AP3S1: variants seen among roughly 807,000 people sequenced by gnomAD.
AP3S1 encodes the protein adaptor related protein complex 3 subunit sigma 1.
In AP3S1, 12 loss-of-function variants were observed where a neutral mutation model predicts 21.3. The observed-to-expected ratio is 0.56, with a 90% confidence interval of 0.36 to 0.91. The LOEUF is 0.91. Ranked by LOEUF, AP3S1 falls within the 40% of genes least tolerant of loss-of-function variation. The pLI is 0.01. For synonymous variants in AP3S1, 48 were observed against 78.4 expected, an observed-to-expected ratio of 0.61 and a Z score of 2.05; for missense variants, 116 against 225.0, an observed-to-expected ratio of 0.52 and a Z score of 3.10.
At chr5:115,851,378 T>C (rs1311508002) in intron 1 of AP3S1, among the ~76,000 whole-genome samples, 1 of 152,162 alleles carries the variant, frequency 6.6e-6, no homozygotes, top group Non-Finnish European at 1.5e-5. Flanking sequence ...TAATTTTATG[T>C]TTTGCTTTTT....
chr5:115,894,921 G>A (rs1429336874), intron 3 of AP3S1, among the ~76,000 whole-genome samples, 166 bp from the exon 4 acceptor site: 1 of 151,988 alleles, frequency 6.6e-6, no homozygotes, highest in Non-Finnish European at 1.5e-5. Context: ...AAACTTGGTA[G>A]GACTCTATTC....
intron 5 of AP3S1, among the ~76,000 whole-genome samples, chr5:115,910,696 CT>C (rs961320124): frequency 1.1e-4 from 16 of 150,714 alleles, no homozygotes; most frequent in South Asian, 2.1e-4. Flanking sequence ...GACATAAAGT[CT>C]TTTTTTTTAG....
chr5:115,851,009 A>G (rs1341039836), intron 1 of AP3S1, among the ~76,000 whole-genome samples: 1 of 152,194 alleles, frequency 6.6e-6, no homozygotes, highest in Non-Finnish European at 1.5e-5. Flanking sequence ...TGCAGGGAGT[A>G]GTTTATAGTG....
intron 1 of AP3S1, among the ~76,000 whole-genome samples, chr5:115,846,856 C>A (rs185307990): frequency 6.6e-6 from 1 of 152,062 alleles, no homozygotes; most frequent in Non-Finnish European, 1.5e-5. Flanking sequence ...AGTTATAATG[C>A]GTTTGTCTGC....
At chr5:115,876,025 G>A (rs1748683196) in intron 3 of AP3S1, among the ~76,000 whole-genome samples, 1 of 152,142 alleles carries the variant, frequency 6.6e-6, no homozygotes, top group Non-Finnish European at 1.5e-5. Flanking sequence ...TGTCTTAGCA[G>A]TTCTTTTAGG....
chr5:115,905,087 T>C (rs1031411616), intron 5 of AP3S1, among the ~76,000 whole-genome samples: 8 of 152,320 alleles, frequency 5.3e-5, no homozygotes, highest in African/African-American at 1.9e-4. Context: ...ATCCTACTGC[T>C]CAAGGTCATC....
intron 1 of AP3S1, among the ~76,000 whole-genome samples, chr5:115,845,657 A>C (rs1348481221): frequency 6.6e-6 from 1 of 151,912 alleles, no homozygotes; most frequent in Non-Finnish European, 1.5e-5. Context: ...AACATGGTGA[A>C]ACCCCATCTC....
At chr5:115,897,907 C>T (rs1750893808) in intron 4 of AP3S1, among the ~76,000 whole-genome samples, 1 of 152,128 alleles carries the variant, frequency 6.6e-6, no homozygotes, top group Non-Finnish European at 1.5e-5. Flanking sequence ...GGTTTGCACA[C>T]AACCCTCAGA....
chr5:115,904,438 C>T (rs1342882474), intron 5 of AP3S1, among the ~76,000 whole-genome samples: 1 of 152,156 alleles, frequency 6.6e-6, no homozygotes, highest in Non-Finnish European at 1.5e-5. Flanking sequence ...GCTTATAAAA[C>T]ATTTTCCAGT....
intron 3 of AP3S1, among the ~76,000 whole-genome samples, chr5:115,877,135 T>G (rs925446722): frequency 1.6e-4 from 24 of 152,280 alleles, no homozygotes; most frequent in African/African-American, 5.8e-4. Context: ...TTTTCTATCA[T>G]ACCTCAATAT....
At position 115,882,233 on chromosome 5, in the gene AP3S1, T is replaced by G. The variant is rs796834955; in HGVS notation, c.273+12105T>G. Among the ~76,000 whole-genome samples, 8 of 152,264 alleles carry G rather than the reference T, an allele frequency of 5.3e-5. No individual in the cohort carries two copies. The South Asian group carries it at 1.4e-3, about 28-fold the overall frequency. On this transcript the variant is annotated intron_variant, in intron 3 of 5. Coordinates refer to ENST00000316788, the MANE Select transcript of AP3S1 (RefSeq NM_001284.4). ...ATCAAACTCATTCACCTTCCAGTTT[T>G]GTTCCCTTGCTTTTGAGGAACTGTG...
chr5:115,842,451 A>C (rs116774100), intron 1 of AP3S1: 8,727 of 208,018 alleles, frequency 0.042, 809 homozygotes, highest in African/African-American at 0.19. Context: ...CCCTGCGCCC[A>C]GTCCCCAAGA....
intron 4 of AP3S1, among the ~76,000 whole-genome samples, chr5:115,896,392 TCTA>T (rs1750756273): frequency 6.6e-6 from 1 of 152,262 alleles, no homozygotes; most frequent in Admixed American, 6.5e-5. Context: ...TTTTTAATGT[TCTA>T]CTGTTTTTCT....
At chr5:115,881,423 G>T (rs1216641871) in intron 3 of AP3S1, among the ~76,000 whole-genome samples, 1 of 152,142 alleles carries the variant, frequency 6.6e-6, no homozygotes, top group African/African-American at 2.4e-5. Context: ...GCATTTGCTT[G>T]TCTATAAAGG....
intron 1 of AP3S1, among the ~76,000 whole-genome samples, chr5:115,853,269 C>A (rs1047891342): frequency 2.0e-5 from 3 of 152,126 alleles, no homozygotes; most frequent in Admixed American, 1.3e-4. Flanking sequence ...CATTTACATA[C>A]CTTTTTGAAA....
At chr5:115,901,838 AT>A (rs1030363443) in intron 4 of AP3S1, among the ~76,000 whole-genome samples, 4 of 152,160 alleles carry the variant, frequency 2.6e-5, no homozygotes, top group Non-Finnish European at 5.9e-5. Flanking sequence ...CTCCAGGGAT[AT>A]TTTTTAAATT....
intron 3 of AP3S1, among the ~76,000 whole-genome samples, chr5:115,886,423 T>C (rs748353435): frequency 2.6e-5 from 4 of 152,098 alleles, no homozygotes; most frequent in Non-Finnish European, 4.4e-5. Flanking sequence ...GTCTACTCAA[T>C]GTGAAGACGA....
intron 3 of AP3S1, among the ~76,000 whole-genome samples, chr5:115,888,687 A>G (rs1436025038): frequency 1.3e-5 from 2 of 151,966 alleles, no homozygotes; most frequent in African/African-American, 2.4e-5. Context: ...TTTCTTCCTA[A>G]GTTAACAAAT....
At chr5:115,907,765 C>T (rs1014377330) in intron 5 of AP3S1, among the ~76,000 whole-genome samples, 1 of 152,062 alleles carries the variant, frequency 6.6e-6, no homozygotes, top group Non-Finnish European at 1.5e-5. Context: ...AATTTTTCTT[C>T]TGATATTTCC....
Sources: gnomAD v4.1 joint callset for allele counts (sites outside exome capture counted in the v4.1 genomes callset) on GRCh38, gnomAD v4.1.1 for gene constraint, MANE v1.5 for transcripts, NCBI Gene and HGNC (gene_info 2026-07-23, HGNC 2026-07-21) for gene names.